DDHD1: variants seen among roughly 807,000 people sequenced by gnomAD.
The protein encoded by DDHD1 is DDHD domain containing 1.
DDHD1 carries 49 observed loss-of-function variants against 96.4 expected under a neutral mutation model. That is an observed-to-expected ratio of 0.51 (90% CI 0.40 to 0.64). The LOEUF (loss-of-function observed/expected upper bound fraction) is 0.64. DDHD1 is among the 30% of genes least tolerant of loss of function. The probability of loss-of-function intolerance (pLI) is 0.00; values close to 1 mark genes in which losing one functional copy is unlikely to be tolerated. For missense variants in DDHD1, 1,106 were observed against 1,161.2 expected (o/e 0.95, Z 0.69); for synonymous variants, 442 against 446.5 (o/e 0.99, Z 0.13).
chr14:53,132,566 G>A (rs1022606138), intron 1 of DDHD1, among the ~76,000 whole-genome samples: 2 of 152,054 alleles, frequency 1.3e-5, no homozygotes, highest in Non-Finnish European at 2.9e-5. Flanking sequence ...TCTTAACTCA[G>A]GCCCTCACTC....
chr14:53,074,985 A>T (rs1884832692), intron 4 of DDHD1, among the ~76,000 whole-genome samples: 1 of 152,118 alleles, frequency 6.6e-6, no homozygotes, highest in South Asian at 2.1e-4. Context: ...TTAATCGATA[A>T]ATGTATGTGG....
chr14:53,047,374 T>A (rs1882107292), intron 12 of DDHD1, among the ~76,000 whole-genome samples: 1 of 152,300 alleles, frequency 6.6e-6, no homozygotes, highest in Admixed American at 6.5e-5. Context: ...GATCATTCAA[T>A]CTCCTCCTTA....
chr14:53,082,252 T>C (rs767158828), intron 4 of DDHD1, among the ~76,000 whole-genome samples: 2 of 152,216 alleles, frequency 1.3e-5, no homozygotes, highest in African/African-American at 2.4e-5. Context: ...TAGAGATTAA[T>C]AGCATTTAAG....
intron 1 of DDHD1, among the ~76,000 whole-genome samples, chr14:53,132,838 A>G (rs2139845603): frequency 6.6e-6 from 1 of 152,342 alleles, no homozygotes; most frequent in South Asian, 2.1e-4. Flanking sequence ...GCTTCTGCTG[A>G]TAAGGTAGCT....
chr14:53,051,047 T>C (rs1242709743), intron 12 of DDHD1, among the ~76,000 whole-genome samples: 1 of 151,268 alleles, frequency 6.6e-6, no homozygotes, highest in East Asian at 1.9e-4. Context: ...ACTGAAGTAA[T>C]GTAAGAGTTT....
At position 53,062,947 on chromosome 14, in the gene DDHD1, G is replaced by A. The variant is rs1394288187; in HGVS notation, c.1762C>T (p.Arg588Ter). 5.0e-6 allele frequency: 8 copies of A among 1,610,150 alleles called. No homozygotes were observed. Among genetic ancestry groups the A allele is most frequent in the Admixed American group, 3.3e-5 (2 of 59,810 alleles). ...HLLDELYITK[R>*]RLKEIEERLH... ...CAAAAGATGAGGATATTTTACCGTC[G>A]TTTAGTTATATAGAGTTCATCAAGA... The change falls in exon 7 of 13, where the codon CGA (arginine) becomes TGA (stop). Residue 588 changes from arginine to a stop codon, truncating the protein, a stop_gained. Transcript: ENST00000673822. LOFTEE classifies it high-confidence loss of function.
At chr14:53,091,514 T>C (rs1886424725) in intron 4 of DDHD1, among the ~76,000 whole-genome samples, 1 of 152,192 alleles carries the variant, frequency 6.6e-6, no homozygotes. Flanking sequence ...AATGTTAGAT[T>C]ATAAATTAAC....
At chr14:53,140,100 T>C (rs747075200) in intron 1 of DDHD1, among the ~76,000 whole-genome samples, 4 of 151,972 alleles carry the variant, frequency 2.6e-5, no homozygotes, top group Admixed American at 1.3e-4. Context: ...ATCAGTAAAC[T>C]TGAAAATAAG....
At chr14:53,052,519 G>A (rs1275543040) in intron 11 of DDHD1, 1 of 152,044 alleles carries the variant, frequency 6.6e-6, no homozygotes, top group African/African-American at 2.4e-5. Flanking sequence ...TCAGAAAGAA[G>A]ATTTAATGAA....
At chr14:53,151,672 A>G (rs966079531) in intron 1 of DDHD1, among the ~76,000 whole-genome samples, 1 of 152,202 alleles carries the variant, frequency 6.6e-6, no homozygotes, top group African/African-American at 2.4e-5. Flanking sequence ...AGGACCTAAG[A>G]GACAGAATCC....
At chr14:53,054,409 C>T (rs1246984659) in intron 11 of DDHD1, 29 bp downstream of exon 11, 1 of 1,599,012 alleles carries the variant, frequency 6.3e-7, no homozygotes, top group Non-Finnish European at 8.6e-7. Context: ...GATACAGTAT[C>T]AACTTAAGGA....
chr14:53,111,219 G>A (rs1362921045), intron 1 of DDHD1, among the ~76,000 whole-genome samples: 1 of 152,232 alleles, frequency 6.6e-6, no homozygotes, highest in Non-Finnish European at 1.5e-5. Context: ...ACTTTGGATT[G>A]TCTAATCCAG....
intron 1 of DDHD1, among the ~76,000 whole-genome samples, chr14:53,137,038 G>A (rs1890291130): frequency 6.6e-6 from 1 of 152,114 alleles, no homozygotes; most frequent in South Asian, 2.1e-4. Flanking sequence ...CTAGATTCAA[G>A]AAGGTGGAGG....
chr14:53,132,512 C>T (rs1278589807), intron 1 of DDHD1, among the ~76,000 whole-genome samples: 4 of 152,278 alleles, frequency 2.6e-5, no homozygotes, highest in South Asian at 2.1e-4. Flanking sequence ...CTGAGTCTAC[C>T]GCTCTGCCCC....
chr14:53,081,328 T>C (rs139471289), intron 4 of DDHD1, among the ~76,000 whole-genome samples: 91 of 152,360 alleles, frequency 6.0e-4, no homozygotes, highest in African/African-American at 2.1e-3. Context: ...AGGAAGAACA[T>C]ATTTAAAAAT....
intron 1 of DDHD1, among the ~76,000 whole-genome samples, chr14:53,119,241 A>G (rs960376232): frequency 6.6e-6 from 1 of 152,230 alleles, no homozygotes; most frequent in Non-Finnish European, 1.5e-5. Flanking sequence ...GATGCTATGA[A>G]GAAACTGCAG....
chr14:53,068,776 AC>A (rs1208007340), intron 6 of DDHD1, among the ~76,000 whole-genome samples: 59 of 152,208 alleles, frequency 3.9e-4, no homozygotes, highest in Admixed American at 2.9e-3. Context: ...TCTTTCTTAA[AC>A]GAATTATCAG....
chr14:53,053,781 T>C (rs562191172), intron 11 of DDHD1: 3 of 152,300 alleles, frequency 2.0e-5, no homozygotes, highest in African/African-American at 7.2e-5. Context: ...AAAATAATGT[T>C]CAAGTTCAGA....
rs1888144460 is a variant in DDHD1, at chr14:53,112,001, G to C, written c.839-8145C>G. On this transcript the variant is annotated intron_variant, in intron 1 of 12. Transcript: ENST00000673822. ...TATTATGAAAGGGAGCTTTGTCGTGGAAGCTATATATACTGCTTATATTGA... is the reference window on the plus strand; with the variant it reads ...TATTATGAAAGGGAGCTTTGTCGTGCAAGCTATATATACTGCTTATATTGA... Among the ~76,000 whole-genome samples the C allele has an allele frequency of 1.3e-5, 2 of 152,166 alleles. 1 individual carries two copies. The highest frequency in any genetic ancestry group is 2.9e-5 in the Non-Finnish European group (2 of 68,034).
Sources: allele counts gnomAD v4.1 joint callset (sites outside exome capture counted in the v4.1 genomes callset), GRCh38; gene constraint gnomAD v4.1.1; transcripts MANE v1.5; gene names NCBI Gene and HGNC (gene_info 2026-07-23, HGNC 2026-07-21).